The following PCCA variants were observed in gnomAD, a reference collection of about 807,000 sequenced individuals.
PCCA encodes the protein propionyl-CoA carboxylase alpha chain, mitochondrial.
PCCA carries 74 observed loss-of-function variants against 101.3 expected under a neutral mutation model. That is an observed-to-expected ratio of 0.73 (90% CI 0.61 to 0.89). The LOEUF is 0.89. Among genes scored for constraint, PCCA ranks in the 40% least tolerant of loss-of-function variants. The pLI, the probability that PCCA is intolerant of heterozygous loss-of-function variation, is 0.00. For missense variants in PCCA, 891 were observed against 907.0 expected, an observed-to-expected ratio of 0.98 and a Z score of 0.23; for synonymous variants, 294 against 313.6, an observed-to-expected ratio of 0.94 and a Z score of 0.66.
chr13:100,244,457 C>T (rs1265519083), intron 8 of PCCA, among the ~76,000 whole-genome samples: 1 of 152,092 alleles, frequency 6.6e-6, no homozygotes, highest in African/African-American at 2.4e-5. Context: ...TTCTGTCTCC[C>T]TTTATTTCTC....
At chr13:100,455,330 C>T (rs530041861) in intron 21 of PCCA, among the ~76,000 whole-genome samples, 1 of 152,278 alleles carries the variant, frequency 6.6e-6, no homozygotes, top group East Asian at 1.9e-4. Context: ...TCATTCTCTC[C>T]CTGCACAAGG....
rs187961615 is a variant in PCCA, at chr13:100,439,546, A to G, written c.1846-9706A>G. Reference sequence around the variant, plus strand: ...TATTTTATTTTTTTACTATGTCTATATTCCTGTGAAGTAATTTTTTTGACC... The same window carrying G: ...TATTTTATTTTTTTACTATGTCTATGTTCCTGTGAAGTAATTTTTTTGACC... On this transcript the variant is annotated intron_variant, in intron 20 of 23. Transcript: ENST00000376285. Among the ~76,000 whole-genome samples the G allele has an allele frequency of 1.4e-3, 212 of 152,176 alleles. 2 individuals carry two copies. The highest frequency in any genetic ancestry group is 4.8e-3 in the African/African-American group (201 of 41,500).
chr13:100,495,771 C>T (rs2085229388), intron 21 of PCCA, among the ~76,000 whole-genome samples: 1 of 152,142 alleles, frequency 6.6e-6, no homozygotes. Context: ...TTTAATCCTA[C>T]ACTTATTTTT....
intron 2 of PCCA, among the ~76,000 whole-genome samples, chr13:100,106,278 A>G (rs2047788401): frequency 6.6e-6 from 1 of 152,200 alleles, no homozygotes; most frequent in Admixed American, 6.5e-5. Context: ...GTGTGGACAG[A>G]GTTTGGTCTG....
intron 15 of PCCA, among the ~76,000 whole-genome samples, chr13:100,307,586 A>T (rs2066551221): frequency 6.6e-6 from 1 of 152,212 alleles, no homozygotes; most frequent in South Asian, 2.1e-4. Context: ...CCATTGGCAG[A>T]AATTACCTGA....
chr13:100,368,712 G>A (rs979116809), intron 19 of PCCA, 138 bp downstream of exon 19: 2 of 643,214 alleles, frequency 3.1e-6, no homozygotes, highest in African/African-American at 1.9e-5. Flanking sequence ...TTAGGAAGCT[G>A]AATGGAAATG....
intron 7 of PCCA, among the ~76,000 whole-genome samples, chr13:100,209,756 C>T (rs1036499603): frequency 2.8e-4 from 43 of 151,924 alleles, no homozygotes; most frequent in African/African-American, 9.4e-4. Context: ...CTCAGCCTCC[C>T]GAGTAGCTGG....
intron 7 of PCCA, among the ~76,000 whole-genome samples, chr13:100,211,057 TCTC>T (rs1322276752): frequency 6.6e-6 from 1 of 152,202 alleles, no homozygotes; most frequent in East Asian, 1.9e-4. Context: ...GTCTTAAAAT[TCTC>T]CTCATCTTTT....
intron 16 of PCCA, among the ~76,000 whole-genome samples, chr13:100,324,990 G>A (rs981491768): frequency 3.9e-5 from 6 of 152,176 alleles, no homozygotes; most frequent in Non-Finnish European, 8.8e-5. Context: ...GCAGAGAAAA[G>A]TCATGACATT....
intron 9 of PCCA, among the ~76,000 whole-genome samples, chr13:100,260,903 A>T (rs1352564499): frequency 6.6e-6 from 1 of 152,090 alleles, no homozygotes; most frequent in Non-Finnish European, 1.5e-5. Flanking sequence ...AAAAAAAAAA[A>T]AAAGGAAGAA....
chr13:100,257,694 T>C, intron 9 of PCCA, 21 bp downstream of exon 9: 1 of 1,583,200 alleles, frequency 6.3e-7, no homozygotes, highest in Non-Finnish European at 8.7e-7. Context: ...GTCCAAAATA[T>C]ACTTTTGATG....
chr13:100,470,223 A>G (rs2082891860), intron 21 of PCCA, among the ~76,000 whole-genome samples: 2 of 151,946 alleles, frequency 1.3e-5, no homozygotes, highest in African/African-American at 4.8e-5. Flanking sequence ...ACTGCAGTAC[A>G]TTTTTATCAG....
chr13:100,112,620 A>C (rs1200257688), intron 4 of PCCA, among the ~76,000 whole-genome samples: 1 of 129,742 alleles, frequency 7.7e-6, no homozygotes, highest in Non-Finnish European at 1.6e-5. Flanking sequence ...TTTGTTGTCC[A>C]GGCTGGAGTG....
intron 6 of PCCA, among the ~76,000 whole-genome samples, chr13:100,187,877 G>T (rs905561128): frequency 6.6e-6 from 1 of 152,116 alleles, no homozygotes; most frequent in African/African-American, 2.4e-5. Flanking sequence ...TGTACCCAAG[G>T]TGTAGTCTTT....
chr13:100,196,804 C>G (rs1317696087), intron 6 of PCCA, among the ~76,000 whole-genome samples: 1 of 152,172 alleles, frequency 6.6e-6, no homozygotes, highest in East Asian at 1.9e-4. Flanking sequence ...CCTTTACCCC[C>G]TTCCACTACC....
chr13:100,382,034 A>G (rs2076257267), intron 19 of PCCA, among the ~76,000 whole-genome samples: 1 of 152,238 alleles, frequency 6.6e-6, no homozygotes, highest in African/African-American at 2.4e-5. Flanking sequence ...AAGTGTTAAC[A>G]GCTCAGTTGG....
At chr13:100,407,885 T>C (rs1226571634) in intron 19 of PCCA, among the ~76,000 whole-genome samples, 1 of 152,182 alleles carries the variant, frequency 6.6e-6, no homozygotes, top group Non-Finnish European at 1.5e-5. Flanking sequence ...GCATGGTGGT[T>C]CATGCCTGTA....
chr13:100,225,169 T>G (rs1340152329), intron 7 of PCCA, among the ~76,000 whole-genome samples: 1 of 152,140 alleles, frequency 6.6e-6, no homozygotes, highest in African/African-American at 2.4e-5. Context: ...ACCCCTAAAA[T>G]AAAGTATTGT....
chr13:100,166,841 G>A (rs559926958), intron 6 of PCCA, among the ~76,000 whole-genome samples: 76 of 152,072 alleles, frequency 5.0e-4, no homozygotes, highest in Non-Finnish European at 1.0e-3. Context: ...CTGCAAACTC[G>A]TTGGTACAAT....
Sources: allele counts gnomAD v4.1 joint callset (sites outside exome capture counted in the v4.1 genomes callset), GRCh38; gene constraint gnomAD v4.1.1; transcripts MANE v1.5; gene names NCBI Gene and HGNC (gene_info 2026-07-23, HGNC 2026-07-21).